The following GDAP1 variants were observed in gnomAD, a reference collection of about 807,000 sequenced individuals.
GDAP1 encodes ganglioside-induced differentiation-associated protein 1.
Under a neutral mutation model 40.1 loss-of-function variants are expected in GDAP1, and 34 were observed. That is an observed-to-expected ratio of 0.85 (90% CI 0.64 to 1.13). The LOEUF (loss-of-function observed/expected upper bound fraction) is 1.13, where lower values mean the gene tolerates loss of function less well. GDAP1 is among the 50% of genes most tolerant of loss of function. The pLI is 0.00. For missense variants in GDAP1, 374 were observed against 433.7 expected (o/e 0.86, Z 1.22); for synonymous variants, 170 against 157.4 (o/e 1.08, Z -0.60).
chr8:74,403,029 T>A (rs1161390153), intron 2 of GDAP1, among the ~76,000 whole-genome samples: 1 of 150,116 alleles, frequency 6.7e-6, no homozygotes, highest in East Asian at 1.9e-4. Flanking sequence ...TAGAAATAGT[T>A]CTATAATATA....
At chr8:74,429,096 T>G (rs1021921292) in intron 2 of GDAP1, among the ~76,000 whole-genome samples, 1 of 152,094 alleles carries the variant, frequency 6.6e-6, no homozygotes, top group African/African-American at 2.4e-5. Context: ...TGCCACATTT[T>G]CTTAATCCAG....
chr8:74,374,842 T>G (rs1809824273), intron 2 of GDAP1, among the ~76,000 whole-genome samples: 1 of 152,174 alleles, frequency 6.6e-6, no homozygotes, highest in Non-Finnish European at 1.5e-5. Flanking sequence ...CAAATTGAAT[T>G]TGTAATAAAA....
Position 74,366,286 on chromosome 8 carries a change from A to G in GDAP1, c.*1919A>G, listed in dbSNP as rs1418675899. ...TGTTTAGGGATACAATGACCACTAG[A>G]TGTCGCTGTTTATCCAGTAGACTAA... On this transcript the variant is annotated 3_prime_UTR_variant, in exon 6 of 6. Transcript: ENST00000220822. 4.4e-6 allele frequency: 2 copies of G among 454,370 alleles called. No individual in the cohort carries two copies. Among genetic ancestry groups the G allele is most frequent in the African/African-American group, 4.0e-5 (2 of 49,992 alleles). 28.1% of individuals were successfully genotyped at this position (454,370 alleles called of 1,614,324 possible).
At chr8:74,397,098 G>A (rs556915143) in intron 2 of GDAP1, among the ~76,000 whole-genome samples, 4 of 152,052 alleles carry the variant, frequency 2.6e-5, no homozygotes, top group Non-Finnish European at 5.9e-5. Flanking sequence ...GCATTTCTCT[G>A]ATGGCCAGTG....
chr8:74,455,587 T>C (rs1806326870), intron 2 of GDAP1, among the ~76,000 whole-genome samples: 1 of 151,956 alleles, frequency 6.6e-6, no homozygotes, highest in African/African-American at 2.4e-5. Context: ...ACACAATGCA[T>C]TTGAGTTCAG....
At chr8:74,371,057 A>T (rs1809740268), downstream of GDAP1, among the ~76,000 whole-genome samples, 1 of 152,230 alleles carries the variant, frequency 6.6e-6, no homozygotes, top group African/African-American at 2.4e-5. Flanking sequence ...ACAGAAATTC[A>T]ATTGGGATAT....
At chr8:74,357,543 A>G (rs1809159359) in intron 2 of GDAP1, among the ~76,000 whole-genome samples, 1 of 152,122 alleles carries the variant, frequency 6.6e-6, no homozygotes, top group African/African-American at 2.4e-5. Context: ...GCTGTTTATC[A>G]AATCTTTCTG....
intron 2 of GDAP1, among the ~76,000 whole-genome samples, chr8:74,382,978 A>G (rs1156715808): frequency 1.3e-5 from 2 of 152,226 alleles, no homozygotes; most frequent in African/African-American, 4.8e-5. Context: ...GCTAAAAACC[A>G]AACACAACAA....
chr8:74,387,289 C>T (rs1810039554), intron 2 of GDAP1, among the ~76,000 whole-genome samples: 1 of 152,194 alleles, frequency 6.6e-6, no homozygotes, highest in African/African-American at 2.4e-5. Context: ...CCAGCTTTTG[C>T]CCATTCAGTG....
At position 74,418,483 on chromosome 8, in the gene GDAP1, A is replaced by G. The variant is rs1187601552; in HGVS notation, c.165+67162A>G. Among the ~76,000 whole-genome samples, 3 of 152,362 alleles carry G rather than the reference A, an allele frequency of 2.0e-5. No individual in the cohort carries two copies. In the East Asian group the frequency reaches 5.8e-4, roughly 29 times the overall value. ...GTAGTATAGGAACAATTGAATATCA[A>G]TATTAAAAACCTCAACCTAAATCTA... On this transcript the variant is annotated intron_variant, in intron 2 of 2. Coordinates refer to the GDAP1 transcript ENST00000523640.
chr8:74,437,766 A>G (rs943960446), intron 2 of GDAP1, among the ~76,000 whole-genome samples: 1 of 151,350 alleles, frequency 6.6e-6, no homozygotes, highest in Non-Finnish European at 1.5e-5. Flanking sequence ...ATAAGTCAAC[A>G]TTATATTTTA....
chr8:74,375,389 A>G (rs1316887702), intron 2 of GDAP1, among the ~76,000 whole-genome samples: 3 of 152,190 alleles, frequency 2.0e-5, no homozygotes, highest in Non-Finnish European at 4.4e-5. Flanking sequence ...AATAAAGTGT[A>G]GGCAAATGAA....
chr8:74,402,146 T>C (rs1810354331), intron 2 of GDAP1, among the ~76,000 whole-genome samples: 2 of 150,454 alleles, frequency 1.3e-5, no homozygotes, highest in Non-Finnish European at 2.9e-5. Context: ...GTCTGTGCCC[T>C]GCCCCCAGAG....
intron 2 of GDAP1, among the ~76,000 whole-genome samples, chr8:74,352,903 T>G (rs1294927411): frequency 2.0e-5 from 3 of 152,216 alleles, no homozygotes; most frequent in Non-Finnish European, 2.9e-5. Flanking sequence ...AAAAAGGTAT[T>G]CTAAATGGAA....
At chr8:74,452,110 C>T (rs543318737) in intron 2 of GDAP1, among the ~76,000 whole-genome samples, 1 of 80,144 alleles carries the variant, frequency 1.2e-5, no homozygotes, top group Non-Finnish European at 2.5e-5. Context: ...CCACCACACC[C>T]GGCTAATTTT....
In GDAP1 at chr8:74,366,520, A is replaced by G. The variant is rs1406012805; in HGVS notation, c.*2153A>G. The G allele has an allele frequency of 2.2e-6, 1 of 454,184 alleles. No individual in the cohort carries two copies. Among genetic ancestry groups the G allele is most frequent in the Non-Finnish European group, 4.4e-6 (1 of 226,736 alleles). 28.1% of individuals were successfully genotyped at this position (454,184 alleles called of 1,614,324 possible). On this transcript the variant is annotated 3_prime_UTR_variant, in exon 6 of 6. Transcript: ENST00000220822. ...CTAGAGTTAAACACAGTATTAGCTA[A>G]ATAGGCACTTATGTGTATTTTCTTT...
chr8:74,396,549 C>T (rs377132330), intron 2 of GDAP1, among the ~76,000 whole-genome samples: 25 of 151,422 alleles, frequency 1.7e-4, no homozygotes, highest in African/African-American at 6.1e-4. Flanking sequence ...TGTTCCCCTT[C>T]CTGTGTCCAT....
chr8:74,370,277 A>G (rs1407845003), downstream of GDAP1, among the ~76,000 whole-genome samples: 1 of 152,250 alleles, frequency 6.6e-6, no homozygotes, highest in East Asian at 1.9e-4. Flanking sequence ...GCTCTATAAT[A>G]TATGTGGAAG....
chr8:74,421,134 A>G (rs558056212), intron 2 of GDAP1, among the ~76,000 whole-genome samples: 1 of 152,274 alleles, frequency 6.6e-6, no homozygotes, highest in East Asian at 1.9e-4. Flanking sequence ...AGCAACTCCA[A>G]TTGCTCTTCT....
Sources: allele counts gnomAD v4.1 joint callset (sites outside exome capture counted in the v4.1 genomes callset), GRCh38; gene constraint gnomAD v4.1.1; transcripts MANE v1.5; gene names NCBI Gene and HGNC (gene_info 2026-07-23, HGNC 2026-07-21).